The following CTNNA3 variants were observed in gnomAD, a reference collection of about 807,000 sequenced individuals.
CTNNA3 encodes the protein catenin alpha-3.
Under a neutral mutation model 95.7 loss-of-function variants are expected in CTNNA3, and 76 were observed. The observed-to-expected ratio is 0.79, with a 90% CI of 0.66 to 0.96. CTNNA3 has a LOEUF of 0.96. Ranked by LOEUF, CTNNA3 falls within the 40% of genes least tolerant of loss-of-function variation. The pLI, the probability that CTNNA3 is intolerant of heterozygous loss-of-function variation, is 0.00. For synonymous variants in CTNNA3, 431 were observed against 374.4 expected (o/e 1.15, Z -1.74); for missense variants, 1,191 against 1,089.8 (o/e 1.09, Z -1.31).
intron 7 of CTNNA3, among the ~76,000 whole-genome samples, chr10:66,977,970 A>T (rs1449229242): frequency 1.3e-5 from 2 of 152,120 alleles, no homozygotes; most frequent in Non-Finnish European, 2.9e-5. Flanking sequence ...TCAAACTTTT[A>T]TTCCTAAGTG....
intron 12 of CTNNA3, among the ~76,000 whole-genome samples, chr10:66,370,316 A>T (rs777219917): frequency 6.6e-6 from 1 of 152,194 alleles, no homozygotes; most frequent in Non-Finnish European, 1.5e-5. Flanking sequence ...CATACATGAA[A>T]TAGATACTTG....
chr10:66,164,518 GT>G (rs535203586), intron 13 of CTNNA3, among the ~76,000 whole-genome samples: 295 of 138,572 alleles, frequency 2.1e-3, no homozygotes, highest in Middle Eastern at 3.8e-3. Flanking sequence ...TATGGACACT[GT>G]TTTTTTTTTT....
At chr10:67,040,173 A>G (rs1486545947) in intron 7 of CTNNA3, among the ~76,000 whole-genome samples, 1 of 152,108 alleles carries the variant, frequency 6.6e-6, no homozygotes, top group Non-Finnish European at 1.5e-5. Context: ...AAGGGAAACA[A>G]GCTCTAATGG....
intron 5 of CTNNA3, among the ~76,000 whole-genome samples, chr10:67,517,196 T>C (rs1429539994): frequency 2.6e-5 from 4 of 152,134 alleles, no homozygotes; most frequent in Admixed American, 1.3e-4. Context: ...GAAATGACTG[T>C]ACCAATTTAC....
chr10:66,395,841 T>A (rs2092971549), intron 11 of CTNNA3, among the ~76,000 whole-genome samples: 1 of 152,024 alleles, frequency 6.6e-6, no homozygotes, highest in African/African-American at 2.4e-5. Context: ...ATGTGCAGGT[T>A]TGTGTAATGG....
Position 67,720,138 on chromosome 10 carries a change from T to TTTTTTTTTTTTTTTTTTC in CTNNA3, c.-2+43295_-2+43296insGAAAAAAAAAAAAAAAAA, listed in dbSNP as rs1254471020. On this transcript the variant is annotated intron_variant, in intron 1 of 17. Coordinates refer to the CTNNA3 transcript ENST00000684154. ...AGGATTGCAACCCCTGCTTTTTTTTTTTTTTTTTTTTTTTGCTGTCCAATT... is the reference window on the plus strand; with the variant it reads ...AGGATTGCAACCCCTGCTTTTTTTTTTTTTTTTTTTTTTTTTTCTTTTTTTTTTTTTTGCTGTCCAATT... 3.9e-4 allele frequency among the ~76,000 whole-genome samples: 35 copies of TTTTTTTTTTTTTTTTTTC among 89,790 alleles called. 5 individuals carry two copies. The highest frequency in any genetic ancestry group is 7.8e-4 in the Non-Finnish European group (33 of 42,250). The allele number at this position is 89,790 out of a possible 152,430, so 58.9% of individuals were successfully genotyped here.
intron 5 of CTNNA3, among the ~76,000 whole-genome samples, chr10:67,234,617 C>T (rs1865370287): frequency 6.6e-6 from 1 of 151,672 alleles, no homozygotes; most frequent in Admixed American, 6.6e-5. Flanking sequence ...CAGGGATGCC[C>T]TCTCTCACCA....
intron 8 of CTNNA3, among the ~76,000 whole-genome samples, chr10:66,769,993 ATGT>A (rs1415257050): frequency 1.3e-5 from 2 of 152,172 alleles, no homozygotes; most frequent in Non-Finnish European, 2.9e-5. Flanking sequence ...TCTGGTATTA[ATGT>A]TGTTTGATCA....
intron 5 of CTNNA3, among the ~76,000 whole-genome samples, chr10:67,456,143 GA>G (rs781571563): frequency 2.6e-5 from 4 of 152,048 alleles, no homozygotes; most frequent in Non-Finnish European, 4.4e-5. Flanking sequence ...AAATGGAAGA[GA>G]ATTAGATCCT....
At chr10:66,898,668 A>C (rs1253179827) in intron 7 of CTNNA3, among the ~76,000 whole-genome samples, 1 of 152,210 alleles carries the variant, frequency 6.6e-6, no homozygotes, top group Non-Finnish European at 1.5e-5. Flanking sequence ...TCCTTACCTC[A>C]CACTAACTTA....
chr10:66,184,353 T>C (rs756905104), intron 13 of CTNNA3, among the ~76,000 whole-genome samples: 11 of 152,194 alleles, frequency 7.2e-5, no homozygotes, highest in Non-Finnish European at 1.6e-4. Flanking sequence ...TACCTAAATT[T>C]TATTTTTATG....
At chr10:67,356,752 T>G (rs1842823835) in intron 5 of CTNNA3, among the ~76,000 whole-genome samples, 1 of 152,102 alleles carries the variant, frequency 6.6e-6, no homozygotes, top group South Asian at 2.1e-4. Flanking sequence ...TTACTTAGCT[T>G]AGATTCCATG....
intron 4 of CTNNA3, among the ~76,000 whole-genome samples, chr10:67,524,166 G>A (rs1212121666): frequency 2.0e-5 from 3 of 152,204 alleles, no homozygotes. Flanking sequence ...CACTTTGGGA[G>A]GCCGAGGCGG....
At chr10:67,741,577 G>A (rs1218857410) in intron 1 of CTNNA3, among the ~76,000 whole-genome samples, 1 of 151,086 alleles carries the variant, frequency 6.6e-6, no homozygotes, top group African/African-American at 2.4e-5. Flanking sequence ...GACCATCGAG[G>A]CTAGGAAGAA....
At chr10:67,365,494 T>C (rs1038855277) in intron 5 of CTNNA3, among the ~76,000 whole-genome samples, 2 of 151,986 alleles carry the variant, frequency 1.3e-5, no homozygotes, top group Non-Finnish European at 2.9e-5. Flanking sequence ...AGGGCTAATA[T>C]CCAGAATCTA....
chr10:66,978,552 A>AAATATATATATATATATATATATAT, intron 7 of CTNNA3, among the ~76,000 whole-genome samples: 1 of 37,864 alleles, frequency 2.6e-5, no homozygotes, highest in African/African-American at 8.7e-5. Flanking sequence ...AAAAAAAAAA[A>AAATATATATATATATATATATATAT]ATATATATAT....
intron 13 of CTNNA3, among the ~76,000 whole-genome samples, chr10:66,110,167 C>G (rs2082066125): frequency 2.0e-5 from 3 of 151,766 alleles, no homozygotes; most frequent in Admixed American, 2.0e-4. Context: ...TCAAGACCAG[C>G]CTGGCCAACA....
chr10:66,273,456 G>T (rs2091325106), intron 13 of CTNNA3, among the ~76,000 whole-genome samples: 1 of 152,126 alleles, frequency 6.6e-6, no homozygotes, highest in Admixed American at 6.6e-5. Flanking sequence ...CCACAGATAA[G>T]TGAAACCATG....
At chr10:66,980,194 C>G (rs942779) in intron 7 of CTNNA3, among the ~76,000 whole-genome samples, 69,987 of 152,038 alleles carry the variant, frequency 0.46, 17,504 homozygotes, top group East Asian at 0.62. Flanking sequence ...AACTGACCTA[C>G]GGCAGTCAAT....
Sources: gnomAD v4.1 joint callset for allele counts (sites outside exome capture counted in the v4.1 genomes callset) on GRCh38, gnomAD v4.1.1 for gene constraint, MANE v1.5 for transcripts, NCBI Gene and HGNC (gene_info 2026-07-23, HGNC 2026-07-21) for gene names.